The following SLC14A2 variants were observed in gnomAD, a reference collection of about 807,000 sequenced individuals.
The protein encoded by SLC14A2 is solute carrier family 14 member 2.
Under a neutral mutation model 104.6 loss-of-function variants are expected in SLC14A2, and 91 were observed. The ratio of observed to expected loss-of-function variants is 0.87; its 90% CI spans 0.73 to 1.04. The LOEUF is 1.04. Ranked by LOEUF, SLC14A2 falls within the 50% of genes least tolerant of loss-of-function variation. The pLI is 0.00. For synonymous variants in SLC14A2, 476 were observed against 466.4 expected, an observed-to-expected ratio of 1.02 and a Z score of -0.27; for missense variants, 1,189 against 1,156.0, an observed-to-expected ratio of 1.03 and a Z score of -0.41.
At chr18:45,385,734 A>G (rs1321817274) in intron 1 of SLC14A2, among the ~76,000 whole-genome samples, 1 of 152,200 alleles carries the variant, frequency 6.6e-6, no homozygotes, top group African/African-American at 2.4e-5. Flanking sequence ...AATTGGACTG[A>G]CATTGATTAG....
chr18:45,390,449 C>T (rs2085947752), intron 1 of SLC14A2, among the ~76,000 whole-genome samples: 1 of 152,162 alleles, frequency 6.6e-6, no homozygotes, highest in South Asian at 2.1e-4. Context: ...CCAGTGTTGT[C>T]TGCCCCACGC....
intron 1 of SLC14A2, among the ~76,000 whole-genome samples, chr18:45,621,834 G>A (rs1159536180): frequency 6.6e-6 from 1 of 152,184 alleles, no homozygotes; most frequent in Non-Finnish European, 1.5e-5. Context: ...GGTTTATTTA[G>A]CAAGTGATCA....
At chr18:45,556,319 C>T (rs1409466784) in intron 2 of SLC14A2, among the ~76,000 whole-genome samples, 3 of 152,146 alleles carry the variant, frequency 2.0e-5, no homozygotes, top group Non-Finnish European at 2.9e-5. Flanking sequence ...TAGTGTTTTA[C>T]CCTGCAGGTC....
Position 45,665,688 on chromosome 18 carries a change from C to CTTTTTT in SLC14A2, c.1475-426_1475-421dup, listed in dbSNP as rs146248418. 2.3e-3 allele frequency among the ~76,000 whole-genome samples: 186 copies of CTTTTTT among 79,302 alleles called. 12 individuals carry two copies. Among genetic ancestry groups the CTTTTTT allele is most frequent in the African/African-American group, 6.5e-3 (118 of 18,134 alleles). 52.0% of individuals were successfully genotyped at this position (79,302 alleles called of 152,430 possible). A position where few individuals can be genotyped will look rare whatever the true frequency, so the allele number is the denominator to read the frequency against. ...AAGGGCTTCAACAACAACCAAGTTT[C>CTTTTTT]TTTTTTTTTTTTTTTTTTTTTTTTT... On this transcript the variant is annotated intron_variant, in intron 11 of 19. Transcript: ENST00000255226.
chr18:45,175,425 A>G, the SLC14A2 span, among the ~76,000 whole-genome samples: 1 of 152,006 alleles, frequency 6.6e-6, no homozygotes, highest in South Asian at 2.1e-4. Flanking sequence ...TTAAAAAAAA[A>G]TCCTCTGGAA....
intron 18 of SLC14A2, among the ~76,000 whole-genome samples, chr18:45,677,053 G>A (rs1039805755): frequency 5.9e-5 from 9 of 152,092 alleles, no homozygotes; most frequent in Admixed American, 1.3e-4. Flanking sequence ...CTGCCTGCTC[G>A]GCACATCACC....
chr18:45,238,165 C>A (rs1348903434), intron 1 of SLC14A2, among the ~76,000 whole-genome samples: 1 of 152,198 alleles, frequency 6.6e-6, no homozygotes, highest in African/African-American at 2.4e-5. Context: ...GTCTGCCTAG[C>A]AGATGGTTAT....
intron 1 of SLC14A2, among the ~76,000 whole-genome samples, chr18:45,238,428 T>C (rs948900536): frequency 6.6e-6 from 1 of 152,200 alleles, no homozygotes; most frequent in Non-Finnish European, 1.5e-5. Context: ...AGCACACTGT[T>C]GAAGACTTTG....
At chr18:45,457,877 C>T (rs559031515) in intron 1 of SLC14A2, among the ~76,000 whole-genome samples, 7 of 151,930 alleles carry the variant, frequency 4.6e-5, no homozygotes, top group African/African-American at 9.7e-5. Flanking sequence ...GGGGCTGGGG[C>T]GGTGGGAGGA....
chr18:45,310,349 T>C (rs1334105805), intron 1 of SLC14A2, among the ~76,000 whole-genome samples: 1 of 152,232 alleles, frequency 6.6e-6, no homozygotes, highest in Non-Finnish European at 1.5e-5. Flanking sequence ...CCACACTTAG[T>C]TGTATCATAC....
At chr18:45,545,635 G>A (rs1047474104) in intron 2 of SLC14A2, among the ~76,000 whole-genome samples, 1 of 152,170 alleles carries the variant, frequency 6.6e-6, no homozygotes, top group Non-Finnish European at 1.5e-5. Context: ...AGCAGCTTGA[G>A]TGAGCTCAGC....
chr18:45,601,992 T>C (rs1308853000), intron 2 of SLC14A2, among the ~76,000 whole-genome samples: 1 of 152,272 alleles, frequency 6.6e-6, no homozygotes, highest in Non-Finnish European at 1.5e-5. Context: ...CGGTTGTGCA[T>C]GATGCCCAGG....
At chr18:45,563,880 A>T (rs1475923572) in intron 2 of SLC14A2, among the ~76,000 whole-genome samples, 1 of 152,220 alleles carries the variant, frequency 6.6e-6, no homozygotes, top group Non-Finnish European at 1.5e-5. Flanking sequence ...GATTGTTATC[A>T]ACTTTGGGAA....
intron 2 of SLC14A2, among the ~76,000 whole-genome samples, chr18:45,540,189 T>A (rs1218502942): frequency 6.6e-6 from 1 of 152,134 alleles, no homozygotes; most frequent in East Asian, 1.9e-4. Flanking sequence ...GGGTAAGGAC[T>A]GAAGTGGGCA....
At chr18:45,414,762 ATATATAT>A (rs2086256752) in intron 1 of SLC14A2, among the ~76,000 whole-genome samples, 1 of 37,480 alleles carries the variant, frequency 2.7e-5, no homozygotes, top group Non-Finnish European at 4.9e-5. Context: ...AAAAAAATAT[ATATATAT>A]ATATATATAT....
intron 1 of SLC14A2, among the ~76,000 whole-genome samples, chr18:45,385,065 A>G (rs1366886586): frequency 1.2e-4 from 19 of 152,238 alleles, no homozygotes; most frequent in Admixed American, 1.2e-3. Flanking sequence ...TGTCCTCCTC[A>G]GAGATGAAAA....
intron 2 of SLC14A2, chr18:45,490,004 G>A (rs768069258): frequency 6.6e-6 from 1 of 152,156 alleles, no homozygotes; most frequent in Non-Finnish European, 1.5e-5. Flanking sequence ...ACGGGCATTT[G>A]GTGGCAGATT....
chr18:45,646,993 G>C (rs1411988650), intron 10 of SLC14A2: 4 of 152,176 alleles, frequency 2.6e-5, no homozygotes, highest in Admixed American at 2.0e-4. Context: ...AGTTTGGAGA[G>C]AAAGGGACTT....
intron 2 of SLC14A2, among the ~76,000 whole-genome samples, chr18:45,594,613 C>T (rs1599042888): frequency 6.6e-6 from 1 of 152,166 alleles, no homozygotes; most frequent in East Asian, 1.9e-4. Context: ...GCAGAGTGGG[C>T]ACAGCCGTCC....
Sources: gnomAD v4.1 joint callset for allele counts (sites outside exome capture counted in the v4.1 genomes callset) on GRCh38, gnomAD v4.1.1 for gene constraint, MANE v1.5 for transcripts, NCBI Gene and HGNC (gene_info 2026-07-23, HGNC 2026-07-21) for gene names.